CARMIL1: variants seen among roughly 807,000 people sequenced by gnomAD.
CARMIL1 encodes the protein F-actin-uncapping protein LRRC16A.
Under a neutral mutation model 177.1 loss-of-function variants are expected in CARMIL1, and 90 were observed. That is an observed-to-expected ratio of 0.51 (90% CI 0.43 to 0.61). CARMIL1 has a LOEUF of 0.61. CARMIL1 is among the 20% of genes least tolerant of loss of function. CARMIL1 has a pLI of 0.00. For missense variants in CARMIL1, 1,380 were observed against 1,667.0 expected, an observed-to-expected ratio of 0.83 and a Z score of 3.00; for synonymous variants, 577 against 606.2, an observed-to-expected ratio of 0.95 and a Z score of 0.71.
At chr6:25,550,579 G>T (rs1212366344) in intron 26 of CARMIL1, among the ~76,000 whole-genome samples, 1 of 152,114 alleles carries the variant, frequency 6.6e-6, no homozygotes, top group Non-Finnish European at 1.5e-5. Context: ...TGGTAAGGGG[G>T]TGTATAAAGG....
chr6:25,392,037 CAT>C (rs151311261), intron 2 of CARMIL1, among the ~76,000 whole-genome samples: 20,588 of 139,766 alleles, frequency 0.15, 1,650 homozygotes, highest in East Asian at 0.32. Flanking sequence ...TGTGTGTATG[CAT>C]GTGTGTGTAT....
intron 36 of CARMIL1, among the ~76,000 whole-genome samples, chr6:25,617,062 C>T (rs916336435): frequency 2.6e-5 from 4 of 152,084 alleles, no homozygotes; most frequent in African/African-American, 9.7e-5. Flanking sequence ...TAAATAAAGT[C>T]GCCACCATAG....
intron 2 of CARMIL1, chr6:25,383,614 G>T (rs375673565): frequency 2.0e-5 from 3 of 152,110 alleles, no homozygotes; most frequent in African/African-American, 7.2e-5. Context: ...TGCTTTGGTA[G>T]TACATATACT....
In CARMIL1 at chr6:25,284,830, T is replaced by C. The variant is rs1358909003; in HGVS notation, c.59T>C (p.Ile20Thr). ...RELIESIKDV[I>T]GRKIKISVKK... ...TTTTCAGAAAGCATAAAGGATGTTA[T>C]TGGCAGAAAGATAAAAATTTCAGTG... Residue 20 changes from isoleucine to threonine, a missense_variant, in exon 2 of 37, where the codon ATT becomes ACT. Coordinates refer to ENST00000329474, the MANE Select transcript of CARMIL1 (RefSeq NM_017640.6). 6.4e-6 allele frequency: 10 copies of C among 1,556,234 alleles called. No homozygotes were observed. Among genetic ancestry groups the C allele is most frequent in the Non-Finnish European group, 8.7e-6 (10 of 1,144,906 alleles).
intron 2 of CARMIL1, among the ~76,000 whole-genome samples, chr6:25,329,636 T>C (rs751589403): frequency 1.3e-5 from 2 of 152,202 alleles, no homozygotes; most frequent in Non-Finnish European, 2.9e-5. Context: ...CATATGTAAA[T>C]TGAATGCATC....
chr6:25,376,771 T>A (rs1791029794), intron 2 of CARMIL1, among the ~76,000 whole-genome samples: 1 of 152,186 alleles, frequency 6.6e-6, no homozygotes, highest in Non-Finnish European at 1.5e-5. Context: ...AGGAGAGATG[T>A]CCATGGGTAA....
chr6:25,493,914 T>C (rs1483264528), intron 15 of CARMIL1, among the ~76,000 whole-genome samples: 1 of 152,018 alleles, frequency 6.6e-6, no homozygotes, highest in Non-Finnish European at 1.5e-5. Flanking sequence ...ATTTCTTATA[T>C]CACATAGTCT....
chr6:25,520,274 T>G lies in CARMIL1; in HGVS notation c.1905T>G (p.Pro635=). The part of the protein sequence containing the change: ...KNYTLRFMPI[P]MYDASQALKT... ...ACACATTAAGATTTATGCCAATTCC[T>G]ATGTATGATGCTTCTCAAGCCCTAA... is the stretch of plus-strand genomic sequence containing the variant. Residue 635 remains proline, a synonymous_variant, in exon 23 of 37, where the codon CCT becomes CCG. Coordinates refer to ENST00000329474, the MANE Select transcript of CARMIL1 (RefSeq NM_017640.6). The G allele has an allele frequency of 6.4e-7, 1 of 1,559,678 alleles. No individual in the cohort carries two copies. Among genetic ancestry groups the G allele is most frequent in the Non-Finnish European group, 8.7e-7 (1 of 1,149,754 alleles).
At chr6:25,538,769 C>T (rs1049805294) in intron 25 of CARMIL1, among the ~76,000 whole-genome samples, 1 of 152,102 alleles carries the variant, frequency 6.6e-6, no homozygotes, top group Non-Finnish European at 1.5e-5. Context: ...TAGAAAGTTG[C>T]AGGATAGGGG....
intron 24 of CARMIL1, among the ~76,000 whole-genome samples, chr6:25,531,989 T>A (rs1286767623): frequency 6.6e-6 from 1 of 152,210 alleles, no homozygotes; most frequent in Non-Finnish European, 1.5e-5. Context: ...CAGGCTGGTC[T>A]CAAACTCCTC....
chr6:25,544,606 TACAC>T (rs3034120), intron 26 of CARMIL1, among the ~76,000 whole-genome samples: 29,709 of 142,304 alleles, frequency 0.21, 3,130 homozygotes, highest in East Asian at 0.38. Context: ...GTTACTAGAC[TACAC>T]ACACACACAC....
chr6:25,476,818 C>T (rs762568385), intron 11 of CARMIL1, among the ~76,000 whole-genome samples: 1 of 152,008 alleles, frequency 6.6e-6, no homozygotes, highest in Non-Finnish European at 1.5e-5. Context: ...GGCCTGGGCG[C>T]GGTGGCTCAC....
intron 2 of CARMIL1, among the ~76,000 whole-genome samples, chr6:25,306,745 A>C (rs1006164391): frequency 6.6e-6 from 1 of 152,182 alleles, no homozygotes; most frequent in Non-Finnish European, 1.5e-5. Flanking sequence ...TACTATTGTG[A>C]ACATTACTGT....
intron 9 of CARMIL1, among the ~76,000 whole-genome samples, chr6:25,469,816 C>T (rs1800944462): frequency 6.6e-6 from 1 of 152,142 alleles, no homozygotes. Flanking sequence ...CTGCCTTCCT[C>T]AGTTTCCCAA....
chr6:25,422,624 C>T (rs56313204), intron 3 of CARMIL1, among the ~76,000 whole-genome samples: 10,033 of 152,164 alleles, frequency 0.066, 427 homozygotes, highest in South Asian at 0.11. Flanking sequence ...CTAAACTATA[C>T]GTTAAAATAC....
chr6:25,328,595 C>T (rs1423748180), intron 2 of CARMIL1, among the ~76,000 whole-genome samples: 1 of 152,178 alleles, frequency 6.6e-6, no homozygotes, highest in African/African-American at 2.4e-5. Flanking sequence ...TCAGATGTCA[C>T]ATCTTCGTTA....
intron 5 of CARMIL1, among the ~76,000 whole-genome samples, chr6:25,443,187 T>C (rs751910704): frequency 1.4e-4 from 22 of 152,330 alleles, no homozygotes; most frequent in Admixed American, 2.6e-4. Flanking sequence ...AGTTGAATAA[T>C]GGCTGTGCCT....
intron 29 of CARMIL1, among the ~76,000 whole-genome samples, chr6:25,579,200 T>C (rs1282722578): frequency 1.3e-5 from 2 of 150,834 alleles, no homozygotes; most frequent in African/African-American, 4.9e-5. Flanking sequence ...ATATGGAAAC[T>C]TAAACCAGAC....
intron 20 of CARMIL1, among the ~76,000 whole-genome samples, chr6:25,513,834 G>A (rs1445783932): frequency 6.6e-6 from 1 of 152,154 alleles, no homozygotes; most frequent in East Asian, 1.9e-4. Flanking sequence ...GTAGTGTTGG[G>A]ACTGCTTCTG....
Sources: allele counts gnomAD v4.1 joint callset (sites outside exome capture counted in the v4.1 genomes callset), GRCh38; gene constraint gnomAD v4.1.1; transcripts MANE v1.5; gene names NCBI Gene and HGNC (gene_info 2026-07-23, HGNC 2026-07-21).